Variants in RIC1 observed in about 807,000 individuals in gnomAD.
RIC1 encodes guanine nucleotide exchange factor subunit RIC1.
Under a neutral mutation model 169.0 loss-of-function variants are expected in RIC1, and 88 were observed. That is an observed-to-expected ratio of 0.52 (90% confidence interval 0.44 to 0.62). RIC1 has a LOEUF of 0.62. Among genes scored for constraint, RIC1 ranks in the 20% least tolerant of loss-of-function variants. The probability of loss-of-function intolerance (pLI) is 0.00; values close to 1 mark genes in which losing one functional copy is unlikely to be tolerated. For missense variants in RIC1, 1,877 were observed against 1,725.5 expected, an observed-to-expected ratio of 1.09 and a Z score of -1.56; for synonymous variants, 790 against 601.5, an observed-to-expected ratio of 1.31 and a Z score of -4.59.
chr9:5,738,676 C>G (rs1366793823), intron 8 of RIC1, 138 bp downstream of exon 8: 1 of 464,980 alleles, frequency 2.2e-6, no homozygotes, highest in African/African-American at 2.0e-5. Context: ...TGTAAACTGG[C>G]TCAAGTCTGG....
At chr9:5,768,440 A>G (rs571098349) in intron 21 of RIC1, among the ~76,000 whole-genome samples, 59 of 152,222 alleles carry the variant, frequency 3.9e-4, no homozygotes, top group African/African-American at 1.3e-3. Context: ...GGTGGGGAAG[A>G]TAGCTTGAGC....
intron 2 of RIC1, among the ~76,000 whole-genome samples, chr9:5,665,371 TTGG>T (rs1409510811): frequency 6.6e-6 from 1 of 152,176 alleles, no homozygotes; most frequent in African/African-American, 2.4e-5. Flanking sequence ...TTACTTTGCA[TTGG>T]GTTAAAACTT....
At chr9:5,676,052 A>G (rs535894085) in intron 2 of RIC1, among the ~76,000 whole-genome samples, 2 of 152,190 alleles carry the variant, frequency 1.3e-5, no homozygotes, top group Non-Finnish European at 2.9e-5. Context: ...TATAGTTTAA[A>G]TGATAATGGC....
In RIC1 at chr9:5,678,757, T is replaced by A. The variant is rs889870879; in HGVS notation, c.253-11202T>A. 2.7e-4 allele frequency among the ~76,000 whole-genome samples: 41 copies of A among 152,230 alleles called. 1 individual carries two copies. Among genetic ancestry groups the A allele is most frequent in the Non-Finnish European group, 7.3e-5 (5 of 68,046 alleles). On this transcript the variant is annotated intron_variant, in intron 2 of 25. Transcript: ENST00000414202. ...TTCTGGATATTAGCCCTTTGTCAGA[T>A]GAGTAGGTTGCAAAAATTTTTTCCC...
Position 5,655,571 on chromosome 9 carries a change from G to A in RIC1, c.145-1012G>A, listed in dbSNP as rs539973736. Among the ~76,000 whole-genome samples, 388 of 152,308 alleles carry A rather than the reference G, an allele frequency of 2.5e-3. 4 individuals carry two copies. Among genetic ancestry groups the A allele is most frequent in the African/African-American group, 8.7e-3 (362 of 41,554 alleles). On this transcript the variant is annotated intron_variant, in intron 1 of 25. Coordinates refer to ENST00000414202, the MANE Select transcript of RIC1 (RefSeq NM_020829.4). ...CAACCTCAGCCTCCCAAAGTGCTGG[G>A]ATTACAGGCATGAGCCGTGGCGCCC...
intron 3 of RIC1, among the ~76,000 whole-genome samples, chr9:5,703,571 A>C (rs544734090): frequency 1.3e-5 from 2 of 152,334 alleles, no homozygotes; most frequent in South Asian, 4.1e-4. Flanking sequence ...ATATAAATAT[A>C]ATACAGCATG....
intron 4 of RIC1, among the ~76,000 whole-genome samples, chr9:5,716,801 G>C (rs1210675967): frequency 6.6e-6 from 1 of 152,146 alleles, no homozygotes; most frequent in Non-Finnish European, 1.5e-5. Context: ...AACATTTATA[G>C]AATTATTAGT....
intron 3 of RIC1, among the ~76,000 whole-genome samples, chr9:5,712,390 C>T (rs1822986809): frequency 6.6e-6 from 1 of 152,182 alleles, no homozygotes; most frequent in African/African-American, 2.4e-5. Flanking sequence ...AAACTACCAT[C>T]AGAGTGAAGA....
At position 5,669,894 on chromosome 9, in the gene RIC1, G is replaced by C. The variant is rs372683258; in HGVS notation, c.252+13204G>C. On this transcript the variant is annotated intron_variant, in intron 2 of 25. Transcript: ENST00000414202. ...ACCAGGGTGATCAGACATCACTTAGGGGAGATTGGAGGATGAGCCACCTAA... is the reference window on the plus strand; with the variant it reads ...ACCAGGGTGATCAGACATCACTTAGCGGAGATTGGAGGATGAGCCACCTAA... Among the ~76,000 whole-genome samples the C allele has an allele frequency of 1.9e-4, 29 of 152,298 alleles. No individual in the cohort carries two copies. The East Asian group carries it at 5.4e-3, about 28-fold the overall frequency.
chr9:5,721,716 T>C (rs1400352426), intron 6 of RIC1, among the ~76,000 whole-genome samples: 4 of 152,172 alleles, frequency 2.6e-5, no homozygotes, highest in Non-Finnish European at 5.9e-5. Flanking sequence ...TATAATTATT[T>C]TTCCTTTACT....
chr9:5,696,785 A>C (rs1214160271), intron 3 of RIC1, among the ~76,000 whole-genome samples: 1 of 152,218 alleles, frequency 6.6e-6, no homozygotes, highest in Admixed American at 6.5e-5. Context: ...GATGTTAGAT[A>C]CTGTATTACA....
chr9:5,718,524 G>C (rs534176486), intron 4 of RIC1, among the ~76,000 whole-genome samples: 142 of 152,266 alleles, frequency 9.3e-4, no homozygotes, highest in African/African-American at 3.3e-3. Context: ...GATGACAGCT[G>C]CCTAGATTAT....
intron 8 of RIC1, among the ~76,000 whole-genome samples, chr9:5,741,763 T>G (rs1206694281): frequency 1.3e-5 from 2 of 152,216 alleles, no homozygotes; most frequent in Non-Finnish European, 2.9e-5. Flanking sequence ...TCTGAAGCCT[T>G]TCTGAGTCTG....
chr9:5,671,450 A>G (rs1729991735), intron 2 of RIC1, among the ~76,000 whole-genome samples: 1 of 151,902 alleles, frequency 6.6e-6, no homozygotes, highest in Non-Finnish European at 1.5e-5. Flanking sequence ...TAATTTTTGT[A>G]TTCTTAGTAG....
Position 5,676,916 on chromosome 9 carries a change from C to G in RIC1, c.253-13043C>G, listed in dbSNP as rs1288927759. Reference sequence around the variant, plus strand: ...TACGGATTTCTCACAGTTGGTTTATCCATTCATCTGTTGATGGACAGTTTG... The same window carrying G: ...TACGGATTTCTCACAGTTGGTTTATGCATTCATCTGTTGATGGACAGTTTG... On this transcript the variant is annotated intron_variant, in intron 2 of 25. Coordinates refer to ENST00000414202, the MANE Select transcript of RIC1 (RefSeq NM_020829.4). Among the ~76,000 whole-genome samples the G allele has an allele frequency of 2.6e-5, 4 of 152,296 alleles. No homozygotes were observed. In the East Asian group the frequency reaches 7.7e-4, roughly 29 times the overall value.
chr9:5,709,864 A>T (rs1822831481), intron 3 of RIC1, among the ~76,000 whole-genome samples: 1 of 152,200 alleles, frequency 6.6e-6, no homozygotes, highest in Non-Finnish European at 1.5e-5. Context: ...AAGAAATTAG[A>T]ATTTACTTAA....
intron 6 of RIC1, among the ~76,000 whole-genome samples, chr9:5,726,245 G>T (rs1327191206): frequency 1.3e-5 from 2 of 152,106 alleles, no homozygotes; most frequent in Non-Finnish European, 2.9e-5. Context: ...TCCTGTATTG[G>T]GTGCATATAT....
chr9:5,677,138 G>A (rs766525208), intron 2 of RIC1, among the ~76,000 whole-genome samples: 8 of 152,128 alleles, frequency 5.3e-5, no homozygotes, highest in South Asian at 4.1e-4. Context: ...TTACATTCCC[G>A]CTAGCAGTGT....
intron 4 of RIC1, among the ~76,000 whole-genome samples, chr9:5,715,016 G>C (rs1823146803): frequency 6.6e-6 from 1 of 152,180 alleles, no homozygotes; most frequent in Admixed American, 6.5e-5. Flanking sequence ...AACTATGCAA[G>C]TGGCTGGGTA....
Sources: gnomAD v4.1 joint callset for allele counts (sites outside exome capture counted in the v4.1 genomes callset) on GRCh38, gnomAD v4.1.1 for gene constraint, MANE v1.5 for transcripts, NCBI Gene and HGNC (gene_info 2026-07-23, HGNC 2026-07-21) for gene names.